Variants in USH2A observed in about 807,000 individuals in gnomAD.
USH2A encodes usherin.
Under a neutral mutation model 538.9 loss-of-function variants are expected in USH2A, and 443 were observed. The observed-to-expected ratio is 0.82, with a 90% confidence interval of 0.76 to 0.89. USH2A has a LOEUF of 0.89. Among genes scored for constraint, USH2A ranks in the 40% least tolerant of loss-of-function variants. The probability of loss-of-function intolerance (pLI) is 0.00; values close to 1 mark genes in which losing one functional copy is unlikely to be tolerated. For synonymous variants in USH2A, 2,413 were observed against 2,273.5 expected, an observed-to-expected ratio of 1.06 and a Z score of -1.75; for missense variants, 6,633 against 6,324.8, an observed-to-expected ratio of 1.05 and a Z score of -1.65.
At chr1:216,185,506 T>C (rs920359468) in intron 20 of USH2A, among the ~76,000 whole-genome samples, 1 of 151,938 alleles carries the variant, frequency 6.6e-6, no homozygotes, top group Admixed American at 6.6e-5. Flanking sequence ...TTTGTGGTGC[T>C]CTTTTTCAAA....
chr1:215,715,696 C>T (rs889407844), intron 61 of USH2A, among the ~76,000 whole-genome samples: 2 of 152,186 alleles, frequency 1.3e-5, no homozygotes, highest in African/African-American at 4.8e-5. Flanking sequence ...GTAATTCTGA[C>T]AGTGTTCTTA....
At chr1:216,216,935 T>G (rs2035353355) in intron 15 of USH2A, among the ~76,000 whole-genome samples, 1 of 151,982 alleles carries the variant, frequency 6.6e-6, no homozygotes, top group African/African-American at 2.4e-5. Context: ...CCCACAAAAT[T>G]TGGGGGATGG....
chr1:216,149,979 C>A (rs912500517), intron 21 of USH2A, among the ~76,000 whole-genome samples: 1 of 152,114 alleles, frequency 6.6e-6, no homozygotes, highest in Non-Finnish European at 1.5e-5. Context: ...TAAACTCACT[C>A]GTATTTCTGA....
chr1:215,762,687 G>A (rs1661013265), intron 56 of USH2A, among the ~76,000 whole-genome samples: 1 of 152,076 alleles, frequency 6.6e-6, no homozygotes, highest in Non-Finnish European at 1.5e-5. Flanking sequence ...GTCCGAGGTG[G>A]GGAATTTGTC....
At chr1:216,058,193 C>T (rs112236689) in intron 30 of USH2A, among the ~76,000 whole-genome samples, 5 of 127,366 alleles carry the variant, frequency 3.9e-5, no homozygotes, top group South Asian at 4.3e-4. Context: ...ATGAACATCC[C>T]GCCTCTGCAT....
At position 215,867,022 on chromosome 1, in the gene USH2A, T is replaced by G. The variant is rs1422830491; in HGVS notation, c.8830A>C (p.Arg2944=). The change falls in exon 44 of 72, where the codon AGG becomes CGG. Residue 2944 remains arginine (R), a synonymous_variant. Coordinates refer to ENST00000307340, the MANE Select transcript of USH2A (RefSeq NM_206933.4). ...SVLNHTAIDV[R]WAKPTVQDLQ... ...GCTTACTTACTTGGTTTAGCCCACC[T>G]CACGTCGATGGCTGTGTGGTTAAGG... is the stretch of plus-strand genomic sequence containing the variant. 1 of 1,614,062 alleles carries G rather than the reference T, an allele frequency of 6.2e-7. No individual in the cohort carries two copies. The highest frequency in any genetic ancestry group is 1.3e-5 in the African/African-American group (1 of 74,932).
intron 23 of USH2A, among the ~76,000 whole-genome samples, chr1:216,088,355 C>T (rs913968659): frequency 1.3e-5 from 2 of 152,026 alleles, no homozygotes; most frequent in Non-Finnish European, 2.9e-5. Flanking sequence ...ATTTTGCTGC[C>T]CCATTCCTCC....
intron 4 of USH2A, among the ~76,000 whole-genome samples, chr1:216,347,744 T>C (rs1338099297): frequency 6.6e-6 from 1 of 152,160 alleles, no homozygotes. Context: ...GGCTTTAATA[T>C]ATGTCGTTCT....
At chr1:216,045,115 G>T (rs1240127280) in intron 32 of USH2A, among the ~76,000 whole-genome samples, 1 of 152,060 alleles carries the variant, frequency 6.6e-6, no homozygotes, top group African/African-American at 2.4e-5. Context: ...TAATGTGAGT[G>T]AGTGAATACA....
rs757296846 is a variant in USH2A, at chr1:216,246,839, G to C, written c.2555C>G (p.Thr852Ser). Reference protein sequence around the residue: ...FLCLPCNCDKTGTINGSLLCN... With the variant: ...FLCLPCNCDKSGTINGSLLCN... ...CAGCAGAGAGCCATTTATTGTCCCAGTCTTATCACAGTTGCAAGGCAGACA... is the reference window on the plus strand; with the variant it reads ...CAGCAGAGAGCCATTTATTGTCCCACTCTTATCACAGTTGCAAGGCAGACA... The change falls in exon 13 of 72, where the codon ACT (threonine) becomes AGT (serine). Residue 852 changes from threonine (T) to serine (S), a missense_variant. Transcript: ENST00000307340. 5.0e-6 allele frequency: 8 copies of C among 1,614,156 alleles called. No homozygotes were observed. The highest frequency in any genetic ancestry group is 6.8e-6 in the Non-Finnish European group (8 of 1,179,986).
intron 30 of USH2A, among the ~76,000 whole-genome samples, chr1:216,050,616 T>TCTTTCTTTCTTTCTTTCTTTC (rs1558231973): frequency 2.1e-5 from 1 of 47,542 alleles, no homozygotes; most frequent in Non-Finnish European, 4.3e-5. Context: ...TTTTTTTTTT[T>TCTTTCTTTCTTTCTTTCTTTC]TTTTTTGAGA....
At chr1:216,005,850 G>A (rs975651939) in intron 32 of USH2A, among the ~76,000 whole-genome samples, 23 of 152,008 alleles carry the variant, frequency 1.5e-4, no homozygotes, top group African/African-American at 5.3e-4. Context: ...CTGAGTGAGT[G>A]CATATAGAGG....
At chr1:215,977,251 C>A (rs1667642689) in intron 35 of USH2A, among the ~76,000 whole-genome samples, 1 of 152,028 alleles carries the variant, frequency 6.6e-6, no homozygotes, top group South Asian at 2.1e-4. Context: ...TTAGTTTGTT[C>A]TTCTAGGTGA....
chr1:215,836,095 T>A lies in USH2A; in HGVS notation c.9371+1896A>T, dbSNP rs982107555. Among the ~76,000 whole-genome samples the A allele has an allele frequency of 6.6e-5, 10 of 152,192 alleles. No homozygotes were observed. In the East Asian group the frequency reaches 1.6e-3, roughly 24 times the overall value. On this transcript the variant is annotated intron_variant, in intron 47 of 71. Coordinates refer to ENST00000307340, the MANE Select transcript of USH2A (RefSeq NM_206933.4). ...AAAGCTTAGACGTTATTTTTAGTTA[T>A]AAATAAATATGTACTATGAGGCATA...
chr1:215,740,932 C>G (rs1660282784), intron 60 of USH2A, among the ~76,000 whole-genome samples: 1 of 152,142 alleles, frequency 6.6e-6, no homozygotes, highest in African/African-American at 2.4e-5. Context: ...AATGCCACCA[C>G]TAATCTGACA....
chr1:216,114,787 TG>T (rs2032963949), intron 21 of USH2A, among the ~76,000 whole-genome samples: 1 of 152,144 alleles, frequency 6.6e-6, no homozygotes, highest in African/African-American at 2.4e-5. Flanking sequence ...TGCCACCAGA[TG>T]CCATAAAAGA....
chr1:216,150,727 T>A (rs1437161347), intron 21 of USH2A, among the ~76,000 whole-genome samples: 2 of 152,076 alleles, frequency 1.3e-5, no homozygotes, highest in African/African-American at 4.8e-5. Flanking sequence ...TTATATTAAC[T>A]CTACTCCCCC....
rs1027374907 is a variant in USH2A at position 215,785,162 on chromosome 1, A to G, written c.10387+1508T>C. On this transcript the variant is annotated intron_variant, in intron 52 of 71. Transcript: ENST00000307340. The stretch of plus-strand genomic sequence containing the variant: ...CCTATTCATAAGGATGTTTCAATCT[A>G]ATAGAAGAGCTGGAACAAGTGTCCA... Among the ~76,000 whole-genome samples, 6 of 152,216 alleles carry G rather than the reference A, an allele frequency of 3.9e-5. No individual in the cohort carries two copies. The South Asian group carries it at 1.2e-3, about 31-fold the overall frequency.
At chr1:215,912,501 A>ATATG (rs1553275511) in intron 38 of USH2A, among the ~76,000 whole-genome samples, 13 of 27,692 alleles carry the variant, frequency 4.7e-4, no homozygotes, top group African/African-American at 9.6e-4. Flanking sequence ...GTGTATATAT[A>ATATG]TATATATATA....
Sources: allele counts gnomAD v4.1 joint callset (sites outside exome capture counted in the v4.1 genomes callset), GRCh38; gene constraint gnomAD v4.1.1; transcripts MANE v1.5; gene names NCBI Gene and HGNC (gene_info 2026-07-23, HGNC 2026-07-21).